SEM1: variants seen among roughly 807,000 people sequenced by gnomAD.
SEM1 encodes SEM1 26S proteasome subunit.
A neutral mutation model predicts 12.7 loss-of-function variants in SEM1; 3 were observed. The ratio of observed to expected loss-of-function variants is 0.24; its 90% confidence interval spans 0.11 to 0.61. The LOEUF is 0.61. SEM1 is among the 20% of genes least tolerant of loss of function. The pLI is 0.88. For synonymous variants in SEM1, 30 were observed against 27.8 expected (o/e 1.08, Z -0.25); for missense variants, 59 against 81.3 (o/e 0.73, Z 1.06).
chr7:96,491,310 G>T (rs62470039), intron 1 of SEM1, among the ~76,000 whole-genome samples: 18,027 of 152,134 alleles, frequency 0.12, 1,080 homozygotes, highest in South Asian at 0.18. Flanking sequence ...CTAACCACAC[G>T]CTAATAGTTA....
Position 96,709,678 on chromosome 7 carries a change from C to T in SEM1, c.76+10G>A. The T allele has an allele frequency of 6.2e-7, 1 of 1,613,090 alleles. No individual in the cohort carries two copies. Among genetic ancestry groups the T allele is most frequent in the Non-Finnish European group, 8.5e-7 (1 of 1,179,414 alleles). On this transcript the variant is annotated intron_variant, in intron 1 of 2. Coordinates refer to ENST00000248566, the MANE Select transcript of SEM1 (RefSeq NM_006304.2). ...TTCGCGCGACACAGAAACCGGGGCC[C>T]AGCGGTTACCTTCGGCAGGGAACTC...
At chr7:96,637,476 C>T (rs916886558) in intron 2 of SEM1, among the ~76,000 whole-genome samples, 1 of 152,000 alleles carries the variant, frequency 6.6e-6, no homozygotes, top group African/African-American at 2.4e-5. Flanking sequence ...AAATTGTTTT[C>T]CCTTGAGATG....
chr7:96,543,874 G>A (rs752714221), intron 2 of SEM1, among the ~76,000 whole-genome samples: 1 of 151,986 alleles, frequency 6.6e-6, no homozygotes, highest in South Asian at 2.1e-4. Flanking sequence ...CCTTCATTTA[G>A]CTAAGAAGCT....
intron 2 of SEM1, among the ~76,000 whole-genome samples, chr7:96,557,519 G>T (rs1200872432): frequency 1.1e-5 from 1 of 90,298 alleles, no homozygotes; most frequent in African/African-American, 2.8e-5. Flanking sequence ...CAGGGGTCAG[G>T]GACCCACTTG....
At chr7:96,564,133 T>C (rs1248142229) in intron 2 of SEM1, among the ~76,000 whole-genome samples, 1 of 152,120 alleles carries the variant, frequency 6.6e-6, no homozygotes, top group Non-Finnish European at 1.5e-5. Flanking sequence ...AAATAGACAA[T>C]GATAAATTAA....
chr7:96,525,038 A>T (rs937951022), intron 2 of SEM1, among the ~76,000 whole-genome samples: 1 of 152,120 alleles, frequency 6.6e-6, no homozygotes, highest in Admixed American at 6.6e-5. Flanking sequence ...CATATTGAAC[A>T]GTGCACTACG....
At chr7:96,626,673 T>A (rs528247543) in intron 2 of SEM1, among the ~76,000 whole-genome samples, 226 of 152,274 alleles carry the variant, frequency 1.5e-3, no homozygotes, top group Non-Finnish European at 2.6e-3. Context: ...AATGTTTTGT[T>A]GAATTCAATT....
intron 2 of SEM1, among the ~76,000 whole-genome samples, chr7:96,678,088 A>G (rs1015823739): frequency 2.6e-5 from 4 of 152,298 alleles, no homozygotes; most frequent in Non-Finnish European, 5.9e-5. Context: ...ATTTGTTCTC[A>G]TCCTTTCTTT....
chr7:96,639,636 T>C (rs767082875), intron 2 of SEM1, among the ~76,000 whole-genome samples: 3 of 151,818 alleles, frequency 2.0e-5, no homozygotes, highest in East Asian at 1.9e-4. Flanking sequence ...AGAAATAACA[T>C]AGGAGTAACT....
chr7:96,615,960 G>A (rs1807707085), intron 2 of SEM1, among the ~76,000 whole-genome samples: 1 of 152,140 alleles, frequency 6.6e-6, no homozygotes. Context: ...TGGACACTTA[G>A]GTTGATTTGA....
At chr7:96,498,012 A>C (rs1477171314), upstream of SEM1, among the ~76,000 whole-genome samples, 1 of 152,212 alleles carries the variant, frequency 6.6e-6, no homozygotes, top group Non-Finnish European at 1.5e-5. Context: ...GAAGAGTAAT[A>C]ATTGCTAAAA....
chr7:96,654,544 G>C (rs555213083), intron 2 of SEM1, among the ~76,000 whole-genome samples: 142 of 152,256 alleles, frequency 9.3e-4, no homozygotes, highest in African/African-American at 3.3e-3. Context: ...GTGAGCCACA[G>C]CACCCATCAG....
At chr7:96,576,301 A>T (rs188741307) in intron 2 of SEM1, among the ~76,000 whole-genome samples, 6 of 152,320 alleles carry the variant, frequency 3.9e-5, no homozygotes, top group Non-Finnish European at 7.4e-5. Context: ...AGGTGAGTCC[A>T]TAAGATTTAT....
rs1292965932 is a variant in SEM1, at chr7:96,598,193, C to CTT, written c.171-91496_171-91495insAA. On this transcript the variant is annotated intron_variant and NMD_transcript_variant, in intron 2 of 3. Coordinates refer to the SEM1 transcript ENST00000466986. ...CTTTAAATTGTTATCTACCTGCACC[C>CTT]TGAATTTTAAAACTCAAAAAAAGAT... Among the ~76,000 whole-genome samples the CTT allele has an allele frequency of 2.6e-5, 4 of 152,170 alleles. No individual in the cohort carries two copies. In the East Asian group the frequency reaches 7.7e-4, roughly 29 times the overall value.
intron 2 of SEM1, chr7:96,647,304 A>AT: frequency 6.6e-6 from 1 of 152,206 alleles, no homozygotes; most frequent in Non-Finnish European, 1.5e-5. Flanking sequence ...ATTCCATGAG[A>AT]TCATGCATGT....
intron 2 of SEM1, among the ~76,000 whole-genome samples, chr7:96,554,954 T>C (rs7808596): frequency 2.7e-5 from 3 of 111,354 alleles, no homozygotes; most frequent in Admixed American, 9.6e-5. Flanking sequence ...AAATTTATCC[T>C]TTTCTTCTAG....
intron 2 of SEM1, among the ~76,000 whole-genome samples, chr7:96,585,568 C>T (rs1034199487): frequency 1.4e-4 from 21 of 152,352 alleles, no homozygotes; most frequent in South Asian, 4.1e-4. Flanking sequence ...CCCCCAGCCT[C>T]GCTGCTGCCT....
At chr7:96,539,036 C>T (rs1804872512) in intron 2 of SEM1, among the ~76,000 whole-genome samples, 3 of 151,810 alleles carry the variant, frequency 2.0e-5, no homozygotes, top group African/African-American at 7.2e-5. Context: ...TTAGCAGACA[C>T]TTCCTTTTGT....
At chr7:96,665,469 C>A (rs1358231992) in intron 2 of SEM1, among the ~76,000 whole-genome samples, 1 of 152,088 alleles carries the variant, frequency 6.6e-6, no homozygotes, top group African/African-American at 2.4e-5. Context: ...TGTAGCAACT[C>A]TAAACTTCTG....
Sources: allele counts gnomAD v4.1 joint callset (sites outside exome capture counted in the v4.1 genomes callset), GRCh38; gene constraint gnomAD v4.1.1; transcripts MANE v1.5; gene names NCBI Gene and HGNC (gene_info 2026-07-23, HGNC 2026-07-21).